The following SNX27 variants were observed in gnomAD, a reference collection of about 807,000 sequenced individuals.
The protein encoded by SNX27 is sorting nexin-27.
SNX27 carries 22 observed loss-of-function variants against 71.6 expected under a neutral mutation model. The observed-to-expected ratio is 0.31, with a 90% CI of 0.22 to 0.44. SNX27 has a LOEUF of 0.44. SNX27 is among the 20% of genes least tolerant of loss of function. The pLI is 1.00. For missense variants in SNX27, 531 were observed against 698.6 expected, an observed-to-expected ratio of 0.76 and a Z score of 2.70; for synonymous variants, 269 against 277.2, an observed-to-expected ratio of 0.97 and a Z score of 0.29.
At chr1:151,635,292 C>A (rs575979604) in intron 1 of SNX27, among the ~76,000 whole-genome samples, 2 of 152,116 alleles carry the variant, frequency 1.3e-5, no homozygotes, top group South Asian at 4.2e-4. Flanking sequence ...TGATATTAAC[C>A]CCATTTTATG....
intron 2 of SNX27, among the ~76,000 whole-genome samples, chr1:151,641,923 GAT>G (rs1287684802): frequency 7.8e-6 from 1 of 128,976 alleles, no homozygotes; most frequent in African/African-American, 2.9e-5. Flanking sequence ...ATCAGCTATA[GAT>G]ATATATGAGA....
chr1:151,653,079 C>T (rs1669492834), intron 2 of SNX27, among the ~76,000 whole-genome samples: 1 of 151,998 alleles, frequency 6.6e-6, no homozygotes, highest in Non-Finnish European at 1.5e-5. Flanking sequence ...AGGCATGTGC[C>T]ACCATGCCTG....
intron 3 of SNX27, among the ~76,000 whole-genome samples, chr1:151,658,732 G>A (rs1280351184): frequency 2.0e-5 from 3 of 152,116 alleles, no homozygotes; most frequent in Admixed American, 2.0e-4. Flanking sequence ...TCGCCAGGCT[G>A]GAGTGCAGTG....
chr1:151,664,939 T>A (rs1419722406), intron 5 of SNX27, among the ~76,000 whole-genome samples: 1 of 152,212 alleles, frequency 6.6e-6, no homozygotes, highest in Non-Finnish European at 1.5e-5. Flanking sequence ...TTTTAATTTC[T>A]ATCCAGTGCA....
In SNX27 at chr1:151,693,086, G is replaced by GTT. The variant is rs397862798; in HGVS notation, c.1518+56_1518+57dup. On this transcript the variant is annotated intron_variant, in intron 10 of 11. Coordinates refer to ENST00000458013, the MANE Select transcript of SNX27 (RefSeq NM_001330723.2). ...TAACTGGGACTTAGTTTGTTTTTTT[G>GTT]TTTTTTTTTTCAGCTAAATGCATAA... 6.9e-4 allele frequency: 1,021 copies of GTT among 1,469,450 alleles called. 2 individuals carry two copies. The highest frequency in any genetic ancestry group is 6.6e-3 in the East Asian group (269 of 40,550). 91.0% of individuals were successfully genotyped at this position (1,469,450 alleles called of 1,614,324 possible).
chr1:151,680,860 G>A (rs1670913886), intron 7 of SNX27, among the ~76,000 whole-genome samples: 1 of 152,164 alleles, frequency 6.6e-6, no homozygotes, highest in South Asian at 2.1e-4. Context: ...GTGATGAAGA[G>A]GAAAGTGTTC....
intron 4 of SNX27, 73 bp from the exon 5 acceptor site, chr1:151,662,093 T>C: frequency 3.9e-6 from 4 of 1,018,178 alleles, no homozygotes; most frequent in Non-Finnish European, 4.5e-6. Context: ...TAGGTTATTG[T>C]CTAGCTAGCT....
At chr1:151,692,811 A>G (rs1260780134) in intron 9 of SNX27, 100 bp from the exon 10 acceptor site, 5 of 1,511,516 alleles carry the variant, frequency 3.3e-6, no homozygotes, top group East Asian at 4.5e-5. Context: ...GCAGACATCC[A>G]TTCATTTCTC....
At chr1:151,638,512 C>T (rs1447113784) in intron 1 of SNX27, among the ~76,000 whole-genome samples, 2 of 152,188 alleles carry the variant, frequency 1.3e-5, no homozygotes, top group African/African-American at 4.8e-5. Context: ...AGTGGCAGGG[C>T]TGTCAAAAGC....
At chr1:151,665,284 G>A (rs866919021) in intron 5 of SNX27, among the ~76,000 whole-genome samples, 1 of 152,160 alleles carries the variant, frequency 6.6e-6, no homozygotes, top group African/African-American at 2.4e-5. Context: ...TTCCTAGAGA[G>A]AATGAGTGAT....
chr1:151,692,642 T>G lies in SNX27; in HGVS notation c.1389+58T>G, dbSNP rs193156696. ...GACTGGAGATACTTTGATGCTCACT[T>G]GCTTGTGACGTTTTAATTCCATTTT... On this transcript the variant is annotated intron_variant, in intron 9 of 11. Coordinates refer to ENST00000458013, the MANE Select transcript of SNX27 (RefSeq NM_001330723.2). 9.0e-5 allele frequency: 142 copies of G among 1,576,904 alleles called. 1 individual carries two copies. In the East Asian group the frequency reaches 3.2e-3, roughly 35 times the overall value.
intron 2 of SNX27, among the ~76,000 whole-genome samples, chr1:151,643,662 T>A (rs193249374): frequency 0.012 from 1,881 of 151,920 alleles, 42 homozygotes; most frequent in African/African-American, 0.044. Context: ...AGGGTTTTTT[T>A]TATTTTTTTA....
intron 2 of SNX27, among the ~76,000 whole-genome samples, chr1:151,646,158 A>C (rs1669024773): frequency 1.3e-5 from 2 of 152,108 alleles, no homozygotes; most frequent in South Asian, 4.1e-4. Context: ...CATATGAGCC[A>C]CTAACATATA....
intron 5 of SNX27, among the ~76,000 whole-genome samples, chr1:151,664,873 C>T (rs1670118887): frequency 6.6e-6 from 1 of 152,106 alleles, no homozygotes; most frequent in Non-Finnish European, 1.5e-5. Context: ...ACACTTTCCT[C>T]CCAACTCTGT....
intron 1 of SNX27, among the ~76,000 whole-genome samples, chr1:151,619,116 G>A (rs2102594430): frequency 6.6e-6 from 1 of 152,164 alleles, no homozygotes; most frequent in South Asian, 2.1e-4. Flanking sequence ...CGAGGTGGGC[G>A]GATCACTTGA....
intron 1 of SNX27, among the ~76,000 whole-genome samples, chr1:151,626,265 CT>C (rs201039962): frequency 0.1 from 14,802 of 146,422 alleles, 750 homozygotes; most frequent in South Asian, 0.13. Flanking sequence ...ATGTGATTAA[CT>C]TTTTTTTTTT....
At chr1:151,648,159 A>G (rs1669147178) in intron 2 of SNX27, among the ~76,000 whole-genome samples, 1 of 151,842 alleles carries the variant, frequency 6.6e-6, no homozygotes, top group African/African-American at 2.4e-5. Context: ...GGCTCAAGTG[A>G]TCTCCCACCT....
chr1:151,653,287 A>G (rs953433072), intron 2 of SNX27, among the ~76,000 whole-genome samples: 1 of 152,136 alleles, frequency 6.6e-6, no homozygotes, highest in Non-Finnish European at 1.5e-5. Flanking sequence ...ATATTTAACA[A>G]TGTCAAGCAT....
Position 151,612,062 on chromosome 1 carries a change from C to G in SNX27, c.-140C>G, listed in dbSNP as rs934461293. 13 of 957,304 alleles carry G rather than the reference C, an allele frequency of 1.4e-5. No individual in the cohort carries two copies. The highest frequency in any genetic ancestry group is 5.1e-5 in the African/African-American group (3 of 58,320). The allele number at this position is 957,304 out of a possible 1,614,324, so 59.3% of individuals were successfully genotyped here. On this transcript the variant is annotated 5_prime_UTR_variant, in exon 1 of 12. Coordinates refer to ENST00000458013, the MANE Select transcript of SNX27 (RefSeq NM_001330723.2). The surrounding 1 kb of genome is among the most constrained non-coding windows in gnomAD (Gnocchi z 5.2). ...CTGCCTCCTCTTCACCCCGCGCCAGCAGCTCGGTGGCCGAGTCGGTCCCGC... is the reference window on the plus strand; with the variant it reads ...CTGCCTCCTCTTCACCCCGCGCCAGGAGCTCGGTGGCCGAGTCGGTCCCGC...
Sources: gnomAD v4.1 joint callset for allele counts (sites outside exome capture counted in the v4.1 genomes callset) on GRCh38, gnomAD v4.1.1 for gene constraint, Gnocchi (gnomAD v3.1) non-coding constraint, MANE v1.5 for transcripts, NCBI Gene and HGNC (gene_info 2026-07-23, HGNC 2026-07-21) for gene names.